TRAPPC8: variants seen among roughly 807,000 people sequenced by gnomAD.
The protein encoded by TRAPPC8 is general sporulation gene 1 homolog.
TRAPPC8 carries 54 observed loss-of-function variants against 174.3 expected under a neutral mutation model. That is an observed-to-expected ratio of 0.31 (90% confidence interval 0.25 to 0.39). The LOEUF is 0.39. Ranked by LOEUF, TRAPPC8 falls within the 10% of genes least tolerant of loss-of-function variation. TRAPPC8 has a pLI of 1.00. For missense variants in TRAPPC8, 1,531 were observed against 1,699.1 expected, an observed-to-expected ratio of 0.90 and a Z score of 1.74; for synonymous variants, 630 against 579.9, an observed-to-expected ratio of 1.09 and a Z score of -1.24.
rs2037144938 is a variant in TRAPPC8, at chr18:31,916,341, T to A, written c.548A>T (p.Lys183Met). 1 of 1,613,586 alleles carries A rather than the reference T, an allele frequency of 6.2e-7. No homozygotes were observed. ...TTTAAGTGTATTTGGTATAAACCACTTGGGGTAGGAATAATCACTGTTGTG... is the reference window on the plus strand; with the variant it reads ...TTTAAGTGTATTTGGTATAAACCACATGGGGTAGGAATAATCACTGTTGTG... ...IQHNSDYSYPKWFIPNTLKYY... is the reference protein window; with the variant it reads ...IQHNSDYSYPMWFIPNTLKYY... The change falls in exon 4 of 29, where the codon AAG (lysine) becomes ATG (methionine). Residue 183 changes from lysine (K) to methionine (M), a missense_variant. Transcript: ENST00000283351.
chr18:31,913,707 G>A (rs1038531985), intron 4 of TRAPPC8, among the ~76,000 whole-genome samples, 185 bp from the exon 5 acceptor site: 1 of 152,102 alleles, frequency 6.6e-6, no homozygotes, highest in Admixed American at 6.6e-5. Flanking sequence ...TAACCTAAAA[G>A]CGAAAACAAA....
At chr18:31,936,936 G>T (rs1453813301) in intron 1 of TRAPPC8, among the ~76,000 whole-genome samples, 3 of 145,894 alleles carry the variant, frequency 2.1e-5, no homozygotes, top group Non-Finnish European at 4.5e-5. Context: ...AAAGGAGCCA[G>T]GCGCGGTGGC....
In TRAPPC8 at chr18:31,903,301, C is replaced by T. The variant is rs184152740; in HGVS notation, c.1390-2276G>A. On this transcript the variant is annotated intron_variant, in intron 9 of 28. Transcript: ENST00000283351. ...GTTGTACTTTCAGAAGAATTATCTA[C>T]GACAGTAATATAAGTAATACATTTA... Among the ~76,000 whole-genome samples the T allele has an allele frequency of 3.5e-4, 54 of 152,202 alleles. 1 individual carries two copies. The highest frequency in any genetic ancestry group is 3.0e-3 in the Admixed American group (46 of 15,290).
rs2032231902 is a variant in TRAPPC8, at chr18:31,829,306, G to T, written c.*1449C>A. 6.6e-6 allele frequency: 1 copy of T among 152,100 alleles called. No individual in the cohort carries two copies. Among genetic ancestry groups the T allele is most frequent in the Admixed American group, 6.5e-5 (1 of 15,274 alleles). 9.4% of individuals were successfully genotyped at this position (152,100 alleles called of 1,614,324 possible). On this transcript the variant is annotated 3_prime_UTR_variant, in exon 29 of 29. Coordinates refer to ENST00000283351, the MANE Select transcript of TRAPPC8 (RefSeq NM_014939.5). ...AATCGGTTCAATTTAATATTCAGCT[G>T]AGTGGTTTAAATATGAGATACCACT...
At chr18:31,909,081 C>T (rs1184904570) in intron 6 of TRAPPC8, 71 bp from the exon 7 acceptor site, 1 of 1,314,634 alleles carries the variant, frequency 7.6e-7, no homozygotes, top group Non-Finnish European at 1.0e-6. Flanking sequence ...TACCATACTG[C>T]TAAAGAAAAA....
rs200185809 is a variant in TRAPPC8 at position 31,909,617 on chromosome 18, C to T, written c.865+50G>A. 71 of 1,571,654 alleles carry T rather than the reference C, an allele frequency of 4.5e-5. No individual in the cohort carries two copies. In the Admixed American group the frequency reaches 5.9e-4, roughly 13 times the overall value. ...TATAAAGGTTAGCATGATCTGACAACAGTGCATATTTTCAATCAAAAGAGA... is the reference window on the plus strand; with the variant it reads ...TATAAAGGTTAGCATGATCTGACAATAGTGCATATTTTCAATCAAAAGAGA... On this transcript the variant is annotated intron_variant, in intron 6 of 28. Coordinates refer to ENST00000283351, the MANE Select transcript of TRAPPC8 (RefSeq NM_014939.5).
chr18:31,872,895 T>C (rs1183384340), intron 14 of TRAPPC8, among the ~76,000 whole-genome samples: 1 of 152,064 alleles, frequency 6.6e-6, no homozygotes, highest in Non-Finnish European at 1.5e-5. Context: ...ATTACAACTG[T>C]TTTGTTTTCA....
intron 6 of TRAPPC8, 34 bp from the exon 7 acceptor site, chr18:31,909,044 G>T: frequency 6.4e-7 from 1 of 1,553,116 alleles, no homozygotes; most frequent in South Asian, 1.2e-5. Flanking sequence ...TTTACTCTCA[G>T]AATGCAACAG....
Position 31,832,102 on chromosome 18 carries a change from AG to A in TRAPPC8, c.4054del (p.Leu1352PhefsTer39). 1 of 1,551,832 alleles carries A rather than the reference AG, an allele frequency of 6.4e-7. No individual in the cohort carries two copies. Among genetic ancestry groups the A allele is most frequent in the East Asian group, 2.5e-5 (1 of 39,804 alleles). On this transcript the variant is annotated frameshift_variant, in exon 28 of 29. Coordinates refer to ENST00000283351, the MANE Select transcript of TRAPPC8 (RefSeq NM_014939.5). LOFTEE classifies it high-confidence loss of function. The stretch of plus-strand genomic sequence containing the variant: ...TCTTTACCTTGTTGTTTTATGCCGA[AG>A]ATCAACTATGACATCTACATCAGCC... ...SKADVDVIVD[L>X]RHKTTSPEAL...
At chr18:31,834,091 T>TGTC (rs2032560750) in intron 27 of TRAPPC8, among the ~76,000 whole-genome samples, 1 of 88,976 alleles carries the variant, frequency 1.1e-5, no homozygotes, top group African/African-American at 3.1e-5. Flanking sequence ...ACATTTTGGT[T>TGTC]GTTGTTGTTG....
In TRAPPC8 at chr18:31,931,350, C is replaced by A; in HGVS notation, c.331G>T (p.Asp111Tyr). The A allele has an allele frequency of 1.9e-6, 3 of 1,591,954 alleles. No homozygotes were observed. The South Asian group carries it at 3.5e-5, about 18-fold the overall frequency. Residue 111 changes from aspartate to tyrosine, a missense_variant, in exon 2 of 29, where the codon GAT becomes TAT. Physicochemically the swap from Asp to Tyr is radical, Grantham distance 160. Transcript: ENST00000283351. ...GLVANVITAG[D>Y]YDLNISATTP... ...ATACCACTGATGTTAAGGTCATAATCTCCTGCTGTAATCACATTAGCTACT... is the reference window on the plus strand; with the variant it reads ...ATACCACTGATGTTAAGGTCATAATATCCTGCTGTAATCACATTAGCTACT...
intron 25 of TRAPPC8, 91 bp from the exon 26 acceptor site, chr18:31,846,908 T>A: frequency 1.3e-6 from 1 of 763,334 alleles, no homozygotes; most frequent in Non-Finnish European, 2.1e-6. Context: ...GGAAATAATA[T>A]GGCCAATATC....
At position 31,884,978 on chromosome 18, in the gene TRAPPC8, C is replaced by T. The variant is rs1358603224; in HGVS notation, c.1728+5757G>A. On this transcript the variant is annotated intron_variant, in intron 12 of 28. Transcript: ENST00000283351. ...ACGCCATTCTCCTGCCTCAGCCTCCCGAGTAGCTGGGACTATAGGCACCCG... is the reference window on the plus strand; with the variant it reads ...ACGCCATTCTCCTGCCTCAGCCTCCTGAGTAGCTGGGACTATAGGCACCCG... Among the ~76,000 whole-genome samples, 7 of 152,018 alleles carry T rather than the reference C, an allele frequency of 4.6e-5. No homozygotes were observed. In the South Asian group the frequency reaches 1.2e-3, roughly 27 times the overall value.
chr18:31,936,628 G>A (rs1035682945), intron 1 of TRAPPC8, among the ~76,000 whole-genome samples: 2 of 152,050 alleles, frequency 1.3e-5, no homozygotes, highest in African/African-American at 4.8e-5. Flanking sequence ...GAGGCCAGAC[G>A]CAGTGGCTCA....
Position 31,873,432 on chromosome 18 carries a change from T to G in TRAPPC8, c.2060A>C (p.Asp687Ala). The change falls in exon 14 of 29, where the codon GAT becomes GCT. Residue 687 changes from aspartate (D) to alanine (A), a missense_variant and splice_region_variant. Physicochemically the swap from Asp to Ala is moderately radical, Grantham distance 126 (BLOSUM62 -2). Coordinates refer to ENST00000283351, the MANE Select transcript of TRAPPC8 (RefSeq NM_014939.5). ...VFFGHDRRPA[D>A]GEKQAATHVS... The stretch of plus-strand genomic sequence containing the variant: ...AGGCTAAATAAAACTTTACTAACCA[T>G]CCGCTGGTCGTCTGTCATGGCCAAA... The G allele has an allele frequency of 6.2e-7, 1 of 1,611,020 alleles. No homozygotes were observed. Among genetic ancestry groups the G allele is most frequent in the East Asian group, 2.2e-5 (1 of 44,838 alleles).
intron 27 of TRAPPC8, among the ~76,000 whole-genome samples, chr18:31,836,651 A>G (rs148193467): frequency 7.9e-4 from 121 of 152,268 alleles, no homozygotes; most frequent in African/African-American, 2.6e-3. Context: ...TTATGGTTGC[A>G]TATTAGGATC....
chr18:31,877,867 G>T (rs561676305), intron 12 of TRAPPC8, among the ~76,000 whole-genome samples: 1 of 150,738 alleles, frequency 6.6e-6, no homozygotes, highest in Non-Finnish European at 1.5e-5. Flanking sequence ...AGATTGCAGT[G>T]AGCCGAGATC....
intron 14 of TRAPPC8, among the ~76,000 whole-genome samples, chr18:31,872,948 A>C (rs1375308014): frequency 6.6e-6 from 1 of 151,778 alleles, no homozygotes; most frequent in Non-Finnish European, 1.5e-5. Context: ...AGAAACACCA[A>C]AATAGTAGTT....
chr18:31,925,058 C>A (rs1335594618), intron 2 of TRAPPC8, among the ~76,000 whole-genome samples: 1 of 151,896 alleles, frequency 6.6e-6, no homozygotes, highest in African/African-American at 2.4e-5. Flanking sequence ...AATTGGGCAA[C>A]CCTTAAACCT....
Sources: gnomAD v4.1 joint callset for allele counts (sites outside exome capture counted in the v4.1 genomes callset) on GRCh38, gnomAD v4.1.1 for gene constraint, MANE v1.5 for transcripts, NCBI Gene and HGNC (gene_info 2026-07-23, HGNC 2026-07-21) for gene names.